The following MUC7 variants were observed in gnomAD, a reference collection of about 807,000 sequenced individuals.
MUC7 encodes mucin-7.
A neutral mutation model predicts 2.5 loss-of-function variants in MUC7; 2 were observed. The observed-to-expected ratio is 0.81, with a 90% CI of 0.33 to 2.55. The LOEUF (loss-of-function observed/expected upper bound fraction) is 2.55, where lower values mean the gene tolerates loss of function less well. Ranked by LOEUF, MUC7 falls within the 30% of genes most tolerant of loss-of-function variation. The pLI is 0.11. For synonymous variants in MUC7, 133 were observed against 173.4 expected (o/e 0.77, Z 1.83); for missense variants, 408 against 455.6 (o/e 0.90, Z 0.95).
chr4:70,432,752 C>A (rs1010303562), intron 1 of MUC7, among the ~76,000 whole-genome samples: 20 of 152,246 alleles, frequency 1.3e-4, no homozygotes, highest in African/African-American at 4.8e-4. Context: ...TCCCATTTGT[C>A]AATTTTGGCT....
At chr4:70,458,349 A>G (rs2029495) in intron 1 of MUC7, among the ~76,000 whole-genome samples, 122,418 of 152,088 alleles carry the variant, frequency 0.8, 49,768 homozygotes, top group Middle Eastern at 0.88. Context: ...TGAACTAGGA[A>G]TAGTGCACAG....
At chr4:70,461,710 A>T (rs769115732) in intron 1 of MUC7, among the ~76,000 whole-genome samples, 1 of 152,156 alleles carries the variant, frequency 6.6e-6, no homozygotes, top group Non-Finnish European at 1.5e-5. Context: ...CAAGGGAAAG[A>T]CACAGAGCTC....
At chr4:70,440,306 A>G (rs568897079) in intron 1 of MUC7, among the ~76,000 whole-genome samples, 166 of 152,330 alleles carry the variant, frequency 1.1e-3, no homozygotes, top group African/African-American at 3.8e-3. Context: ...AGAATTTCTC[A>G]GCATCTTTAA....
rs184231532 is a variant in MUC7 at position 70,446,415 on chromosome 4, C to T, written c.-93+15728C>T. On this transcript the variant is annotated intron_variant, in intron 1 of 3. Coordinates refer to the MUC7 transcript ENST00000413702. ...CCTGTGAAACCTGTAGAGGAATGTTCCTTCCTTGCTTTTTCCAGTTTCTGG... is the reference window on the plus strand; with the variant it reads ...CCTGTGAAACCTGTAGAGGAATGTTTCTTCCTTGCTTTTTCCAGTTTCTGG... Among the ~76,000 whole-genome samples the T allele has an allele frequency of 1.8e-3, 275 of 152,194 alleles. 1 individual carries two copies. The highest frequency in any genetic ancestry group is 2.5e-3 in the Non-Finnish European group (172 of 68,002).
chr4:70,436,160 G>A (rs1733826813), intron 1 of MUC7, among the ~76,000 whole-genome samples: 1 of 152,152 alleles, frequency 6.6e-6, no homozygotes, highest in Non-Finnish European at 1.5e-5. Flanking sequence ...CAACCTTGGT[G>A]AATCTGACAA....
chr4:70,473,917 A>T, intron 1 of MUC7, 90 bp from the exon 2 acceptor site: 5 of 944,816 alleles, frequency 5.3e-6, no homozygotes, highest in Admixed American at 2.0e-5. Context: ...TTTTGCCTGT[A>T]CTTTCTAATA....
rs1734855068 is a variant in MUC7 at position 70,472,309 on chromosome 4, A to C, written c.-16+18A>C. 6.6e-6 allele frequency: 1 copy of C among 152,204 alleles called. No homozygotes were observed. The highest frequency in any genetic ancestry group is 1.5e-5 in the Non-Finnish European group (1 of 68,038). 9.4% of individuals were successfully genotyped at this position (152,204 alleles called of 1,614,324 possible). On this transcript the variant is annotated intron_variant, in intron 1 of 2. Transcript: ENST00000304887. ...TGCACCAGGTATGTGGATACTTTAG[A>C]TAGGTTCTAATATAAACTAAACAGC...
intron 1 of MUC7, among the ~76,000 whole-genome samples, chr4:70,438,353 A>G (rs1239488693): frequency 1.3e-5 from 2 of 152,206 alleles, no homozygotes; most frequent in Non-Finnish European, 2.9e-5. Flanking sequence ...AAATTCTTAA[A>G]GACTGTTGAT....
At chr4:70,466,230 G>T (rs1734679025) in intron 1 of MUC7, among the ~76,000 whole-genome samples, 1 of 152,088 alleles carries the variant, frequency 6.6e-6, no homozygotes. Flanking sequence ...GTCACCACCA[G>T]GCCTGCCCTA....
At chr4:70,474,377 A>AGGTGT (rs1432987039) in intron 2 of MUC7, among the ~76,000 whole-genome samples, 1 of 152,018 alleles carries the variant, frequency 6.6e-6, no homozygotes, top group Non-Finnish European at 1.5e-5. Context: ...TTAATTAGCC[A>AGGTGT]GGTGTGGTGG....
upstream of MUC7, among the ~76,000 whole-genome samples, chr4:70,470,810 C>T (rs1734816964): frequency 6.6e-6 from 1 of 152,212 alleles, no homozygotes; most frequent in Non-Finnish European, 1.5e-5. Context: ...CCCATATTTA[C>T]TAACTCATTG....
intron 2 of MUC7, among the ~76,000 whole-genome samples, chr4:70,478,840 CA>C (rs77926694): frequency 0.34 from 51,587 of 152,048 alleles, 9,643 homozygotes; most frequent in Admixed American, 0.43. Flanking sequence ...AGGATCTCCT[CA>C]GAGATTCCTG....
chr4:70,481,981 A>T lies in MUC7; in HGVS notation c.*103A>T. The T allele has an allele frequency of 7.6e-7, 1 of 1,323,188 alleles. No homozygotes were observed. The highest frequency in any genetic ancestry group is 1.0e-6 in the Non-Finnish European group (1 of 970,572). 82.0% of individuals were successfully genotyped at this position (1,323,188 alleles called of 1,614,324 possible). On this transcript the variant is annotated 3_prime_UTR_variant, in exon 3 of 3. Transcript: ENST00000304887. ...ACCAATCCCAACATGAAATTATATT[A>T]CTCAGATTTAAAGCACTATCATTAA... is the stretch of plus-strand genomic sequence containing the variant.
intron 2 of MUC7, among the ~76,000 whole-genome samples, chr4:70,479,950 A>G (rs567250052): frequency 2.6e-5 from 4 of 152,346 alleles, no homozygotes; most frequent in Middle Eastern, 3.4e-3. Context: ...TAGGAATTAC[A>G]GTAGTGAGTT....
intron 1 of MUC7, among the ~76,000 whole-genome samples, chr4:70,446,315 T>C (rs1018588552): frequency 1.3e-5 from 2 of 152,182 alleles, no homozygotes; most frequent in African/African-American, 4.8e-5. Flanking sequence ...TCTGGGTGGC[T>C]TAAAACAAGA....
chr4:70,450,732 G>A (rs1734258981), intron 1 of MUC7, among the ~76,000 whole-genome samples: 1 of 152,124 alleles, frequency 6.6e-6, no homozygotes, highest in African/African-American at 2.4e-5. Context: ...AGTGTGTCAA[G>A]AAAGGTTTTC....
At chr4:70,480,760 T>C in intron 2 of MUC7, 39 bp from the exon 3 acceptor site, 1 of 1,594,056 alleles carries the variant, frequency 6.3e-7, no homozygotes, top group Non-Finnish European at 8.6e-7. Flanking sequence ...GATAAATGGA[T>C]ACTTTTTTCA....
At chr4:70,450,753 G>A (rs1456738975) in intron 1 of MUC7, among the ~76,000 whole-genome samples, 1 of 152,086 alleles carries the variant, frequency 6.6e-6, no homozygotes, top group Non-Finnish European at 1.5e-5. Flanking sequence ...TGGGAACTAG[G>A]GCCTGGAACA....
At chr4:70,439,886 GAA>G (rs1733958895) in intron 1 of MUC7, among the ~76,000 whole-genome samples, 1 of 151,804 alleles carries the variant, frequency 6.6e-6, no homozygotes, top group Non-Finnish European at 1.5e-5. Context: ...AGAAATTTTT[GAA>G]AAGTTTTAAT....
Sources: allele counts gnomAD v4.1 joint callset (sites outside exome capture counted in the v4.1 genomes callset), GRCh38; gene constraint gnomAD v4.1.1; transcripts MANE v1.5; gene names NCBI Gene and HGNC (gene_info 2026-07-23, HGNC 2026-07-21).